Variants in ARL2BP observed in about 807,000 individuals in gnomAD.
ARL2BP encodes ARF like GTPase 2 binding protein, also known as ADP-ribosylation factor-like protein 2-binding protein.
In ARL2BP, 19 loss-of-function variants were observed where a neutral mutation model predicts 24.2. That is an observed-to-expected ratio of 0.79 (90% CI 0.55 to 1.15). ARL2BP has a LOEUF of 1.15. Ranked by LOEUF, ARL2BP falls within the 50% of genes most tolerant of loss-of-function variation. The pLI, the probability that ARL2BP is intolerant of heterozygous loss-of-function variation, is 0.00. For missense variants in ARL2BP, 160 were observed against 190.4 expected (o/e 0.84, Z 0.94); for synonymous variants, 56 against 70.5 (o/e 0.79, Z 1.03).
chr16:57,245,557 G>A (rs1246755102), intron 1 of ARL2BP, 152 bp downstream of exon 1: 16 of 1,031,726 alleles, frequency 1.6e-5, no homozygotes, highest in Non-Finnish European at 2.1e-5. Context: ...CCAGCTCCAG[G>A]CCTTCCTTTT....
chr16:57,247,315 G>A (rs1296579344), intron 2 of ARL2BP: 1 of 151,996 alleles, frequency 6.6e-6, no homozygotes, highest in African/African-American at 2.4e-5. Context: ...GTGAGCCTAC[G>A]GTATTTATCC....
At chr16:57,248,219 A>C (rs1206820212) in intron 2 of ARL2BP, 1 of 159,986 alleles carries the variant, frequency 6.3e-6, no homozygotes, top group Non-Finnish European at 1.3e-5. Context: ...AGGCTAAGGC[A>C]GTAGAATCTT....
At position 57,249,544 on chromosome 16, in the gene ARL2BP, C is replaced by T. The variant is rs1301186990; in HGVS notation, c.208-223C>T. The stretch of plus-strand genomic sequence containing the variant: ...CTCCACCTGTGTCAGAGCATCCACC[C>T]TGTTACAGCACCATTATCAGCTAAG... On this transcript the variant is annotated intron_variant, in intron 3 of 5. Coordinates refer to ENST00000219204, the MANE Select transcript of ARL2BP (RefSeq NM_012106.4). The T allele has an allele frequency of 7.3e-6, 4 of 551,130 alleles. No homozygotes were observed. The African/African-American group carries it at 7.6e-5, about 10-fold the overall frequency. The allele number at this position is 551,130 out of a possible 1,614,324, so 34.1% of individuals were successfully genotyped here.
chr16:57,252,566 G>T lies in ARL2BP; in HGVS notation c.*299G>T. ...CCTATGTCAGGCACTCCACCTGGGG[G>T]GCCCTTCCCCAGCATACCTGCTGGT... On this transcript the variant is annotated 3_prime_UTR_variant, in exon 6 of 6. Transcript: ENST00000219204. The T allele has an allele frequency of 2.4e-6, 1 of 418,508 alleles. No individual in the cohort carries two copies. Among genetic ancestry groups the T allele is most frequent in the Non-Finnish European group, 4.4e-6 (1 of 228,034 alleles). 25.9% of individuals were successfully genotyped at this position (418,508 alleles called of 1,614,324 possible). A position where few individuals can be genotyped will look rare whatever the true frequency, so the allele number is the denominator to read the frequency against.
chr16:57,249,950 G>A (rs2075402288), intron 4 of ARL2BP, 98 bp downstream of exon 4: 1 of 1,130,644 alleles, frequency 8.8e-7, no homozygotes, highest in Admixed American at 1.8e-5. Context: ...GTTTTCCTGT[G>A]CATGCCGTTG....
chr16:57,246,302 T>A, intron 2 of ARL2BP, 161 bp downstream of exon 2: 2 of 696,802 alleles, frequency 2.9e-6, no homozygotes, highest in South Asian at 3.6e-5. Flanking sequence ...CAGTTTGTCT[T>A]AGAAACAAAC....
At position 57,250,475 on chromosome 16, in the gene ARL2BP, G is replaced by A. The variant is rs372794991; in HGVS notation, c.358G>A (p.Ala120Thr). 9 of 1,614,036 alleles carry A rather than the reference G, an allele frequency of 5.6e-6. No individual in the cohort carries two copies. Among genetic ancestry groups the A allele is most frequent in the Non-Finnish European group, 7.6e-6 (9 of 1,180,036 alleles). The change falls in exon 5 of 6, where the codon GCT becomes ACT. Residue 120 changes from alanine to threonine, a missense_variant. Transcript: ENST00000219204. ...GCTGCTCACCTTCACAGATTTTCTG[G>A]CTTTTAAAGAAATGTTTTTGGACTA... Reference protein sequence around the residue: ...DMLLTFTDFLAFKEMFLDYRA... With the variant: ...DMLLTFTDFLTFKEMFLDYRA...
chr16:57,245,325 G>A lies in ARL2BP; in HGVS notation c.-43G>A. 6.3e-7 allele frequency: 1 copy of A among 1,592,950 alleles called. No individual in the cohort carries two copies. Among genetic ancestry groups the A allele is most frequent in the South Asian group, 1.1e-5 (1 of 87,448 alleles). On this transcript the variant is annotated 5_prime_UTR_variant, in exon 1 of 6. Coordinates refer to ENST00000219204, the MANE Select transcript of ARL2BP (RefSeq NM_012106.4). ...CCGGGCGGCCGCGCCCTGCATGCGAGTTGGGCCGCGGGCGGGGTTGGAGCC... is the reference window on the plus strand; with the variant it reads ...CCGGGCGGCCGCGCCCTGCATGCGAATTGGGCCGCGGGCGGGGTTGGAGCC...
At position 57,249,837 on chromosome 16, in the gene ARL2BP, TCAC is replaced by T; in HGVS notation, c.282_284del (p.Thr96del). The T allele has an allele frequency of 6.2e-7, 1 of 1,614,170 alleles. No individual in the cohort carries two copies. Among genetic ancestry groups the T allele is most frequent in the Non-Finnish European group, 8.5e-7 (1 of 1,179,976 alleles). On this transcript the variant is annotated inframe_deletion, in exon 4 of 6. Transcript: ENST00000219204. Reference sequence around the variant, plus strand: ...ATTCCTGAGTTCAACATGGCAGCCTTCACCACAACATTACAGTGAGTTGAGCTT... The same window carrying T: ...ATTCCTGAGTTCAACATGGCAGCCTTCACAACATTACAGTGAGTTGAGCTT...
At position 57,253,288 on chromosome 16, in the gene ARL2BP, C is replaced by G. The variant is rs2075414235; in HGVS notation, c.*1021C>G. 6.6e-6 allele frequency: 1 copy of G among 152,208 alleles called. No individual in the cohort carries two copies. Among genetic ancestry groups the G allele is most frequent in the East Asian group, 1.9e-4 (1 of 5,196 alleles). The allele number at this position is 152,208 out of a possible 1,614,324, so 9.4% of individuals were successfully genotyped here. ...TTCTTCCTGTCAAAATCTCTCCTACCAAGATGGTGTTCCACTGTCCAGCCC... is the reference window on the plus strand; with the variant it reads ...TTCTTCCTGTCAAAATCTCTCCTACGAAGATGGTGTTCCACTGTCCAGCCC... On this transcript the variant is annotated 3_prime_UTR_variant, in exon 6 of 6. Transcript: ENST00000219204.
intron 4 of ARL2BP, 122 bp downstream of exon 4, chr16:57,249,974 A>T (rs1277030724): frequency 1.2e-6 from 1 of 846,044 alleles, no homozygotes; most frequent in East Asian, 2.4e-5. Flanking sequence ...GTTAGGTCCT[A>T]TGGAGGAAGC....
rs755190338 is a variant in ARL2BP at position 57,252,192 on chromosome 16, A to C, written c.417A>C (p.Leu139Phe). The C allele has an allele frequency of 5.0e-6, 8 of 1,614,034 alleles. No individual in the cohort carries two copies. In the South Asian group the frequency reaches 7.7e-5, roughly 16 times the overall value. Reference protein sequence around the residue: ...RAEKEGRGLDLSSGLVVTSLC... With the variant: ...RAEKEGRGLDFSSGLVVTSLC... ...AAAAAGAAGGCCGAGGACTGGACTT[A>C]AGCAGTGGCTTAGTGGTGACTTCAT... The change falls in exon 6 of 6, where the codon TTA becomes TTC. Residue 139 changes from leucine to phenylalanine, a missense_variant. Transcript: ENST00000219204.
At chr16:57,246,177 T>G in intron 2 of ARL2BP, 36 bp downstream of exon 2, 1 of 1,585,004 alleles carries the variant, frequency 6.3e-7, no homozygotes. Context: ...AGGACTTGCT[T>G]GTTTCTTTAA....
At position 57,251,776 on chromosome 16, in the gene ARL2BP, A is replaced by G. The variant is rs559874059; in HGVS notation, c.391-390A>G. The G allele has an allele frequency of 1.2e-4, 21 of 174,214 alleles. No homozygotes were observed. In the South Asian group the frequency reaches 2.4e-3, roughly 20 times the overall value. The allele number at this position is 174,214 out of a possible 1,614,324, so 10.8% of individuals were successfully genotyped here. ...GGAGTTCAAGACCAGCCTAAGTGAC[A>G]TATCAAGACCCTGTCTCTACAAAAA... On this transcript the variant is annotated intron_variant, in intron 5 of 5. Transcript: ENST00000219204.
In ARL2BP at chr16:57,252,327, C is replaced by G. The variant is rs527421224; in HGVS notation, c.*60C>G. 5.0e-5 allele frequency: 80 copies of G among 1,613,416 alleles called. No individual in the cohort carries two copies. The highest frequency in any genetic ancestry group is 6.8e-5 in the Non-Finnish European group (80 of 1,179,886). On this transcript the variant is annotated 3_prime_UTR_variant, in exon 6 of 6. Coordinates refer to ENST00000219204, the MANE Select transcript of ARL2BP (RefSeq NM_012106.4). ...GATGTCACCAGCCCAATAGGCTCAG[C>G]TCATGATGACAGAACACATCTTGGA...
intron 2 of ARL2BP, among the ~76,000 whole-genome samples, chr16:57,247,199 T>G (rs574748342): frequency 3.9e-5 from 6 of 152,334 alleles, no homozygotes; most frequent in African/African-American, 1.4e-4. Flanking sequence ...GTTTCATCAT[T>G]AAGCTCGTTT....
chr16:57,245,282 T>C lies in ARL2BP; in HGVS notation c.-86T>C, dbSNP rs1343486613. On this transcript the variant is annotated 5_prime_UTR_variant, in exon 1 of 6. Coordinates refer to ENST00000219204, the MANE Select transcript of ARL2BP (RefSeq NM_012106.4). ...GCAGTGAGCTGGCCGCGGCCTTGGC[T>C]GAGAGGCCTTAACCCCGCCGGGCGG... is the stretch of plus-strand genomic sequence containing the variant. 13 of 1,515,818 alleles carry C rather than the reference T, an allele frequency of 8.6e-6. No homozygotes were observed. The highest frequency in any genetic ancestry group is 1.2e-5 in the Non-Finnish European group (13 of 1,117,406). 93.9% of individuals were successfully genotyped at this position (1,515,818 alleles called of 1,614,324 possible). A position where few individuals can be genotyped will look rare whatever the true frequency, so the allele number is the denominator to read the frequency against.
rs2075386164 is a variant in ARL2BP, at chr16:57,245,277, T to C, written c.-91T>C. On this transcript the variant is annotated 5_prime_UTR_variant, in exon 1 of 6. Coordinates refer to ENST00000219204, the MANE Select transcript of ARL2BP (RefSeq NM_012106.4). Reference sequence around the variant, plus strand: ...ACCTGGCAGTGAGCTGGCCGCGGCCTTGGCTGAGAGGCCTTAACCCCGCCG... The same window carrying C: ...ACCTGGCAGTGAGCTGGCCGCGGCCCTGGCTGAGAGGCCTTAACCCCGCCG... 1 of 1,497,454 alleles carries C rather than the reference T, an allele frequency of 6.7e-7. No individual in the cohort carries two copies. Among genetic ancestry groups the C allele is most frequent in the Admixed American group, 2.0e-5 (1 of 49,284 alleles). The allele number at this position is 1,497,454 out of a possible 1,614,324, so 92.8% of individuals were successfully genotyped here. A position where few individuals can be genotyped will look rare whatever the true frequency, so the allele number is the denominator to read the frequency against.
At chr16:57,252,073 G>A (rs1316559212) in intron 5 of ARL2BP, 93 bp from the exon 6 acceptor site, 26 of 1,085,484 alleles carry the variant, frequency 2.4e-5, no homozygotes, top group Admixed American at 2.0e-4. Flanking sequence ...GGAGGTCCAC[G>A]TTCCCACCTT....
Sources: gnomAD v4.1 joint callset for allele counts (sites outside exome capture counted in the v4.1 genomes callset) on GRCh38, gnomAD v4.1.1 for gene constraint, MANE v1.5 for transcripts, NCBI Gene and HGNC (gene_info 2026-07-23, HGNC 2026-07-21) for gene names.